The following PLEK variants were observed in gnomAD, a reference collection of about 807,000 sequenced individuals.
PLEK encodes pleckstrin.
PLEK carries 25 observed loss-of-function variants against 43.9 expected under a neutral mutation model. That is an observed-to-expected ratio of 0.57 (90% CI 0.41 to 0.79). The LOEUF (loss-of-function observed/expected upper bound fraction) is 0.79, where lower values mean the gene tolerates loss of function less well. PLEK is among the 30% of genes least tolerant of loss of function. The pLI, the probability that PLEK is intolerant of heterozygous loss-of-function variation, is 0.00. For missense variants in PLEK, 396 were observed against 413.3 expected (o/e 0.96, Z 0.36); for synonymous variants, 152 against 144.4 (o/e 1.05, Z -0.38).
intron 4 of PLEK, among the ~76,000 whole-genome samples, chr2:68,382,884 AT>A (rs201655958): frequency 2.0e-5 from 3 of 152,050 alleles, no homozygotes; most frequent in South Asian, 2.1e-4. Context: ...CAATCAAAGG[AT>A]TTTTTTTCTC....
At chr2:68,374,025 G>C (rs1031117) in intron 1 of PLEK, among the ~76,000 whole-genome samples, 55,620 of 151,874 alleles carry the variant, frequency 0.37, 11,227 homozygotes, top group East Asian at 0.73. Context: ...TATTCATATA[G>C]CCTTTACCTA....
chr2:68,393,229 A>G lies in PLEK; in HGVS notation c.830A>G (p.Tyr277Cys), dbSNP rs1673894936. 1.9e-6 allele frequency: 3 copies of G among 1,608,418 alleles called. No individual in the cohort carries two copies. Among genetic ancestry groups the G allele is most frequent in the Admixed American group, 1.7e-5 (1 of 59,994 alleles). ...AGAGAAGACCCTGCCTACCTGCACT[A>G]CTATGACCCTGCTGGGGTAAGGTCC... ...ILREDPAYLH[Y>C]YDPAGAEDPL... The change falls in exon 7 of 9, where the codon TAC (tyrosine) becomes TGC (cysteine). Residue 277 changes from tyrosine to cysteine, a missense_variant. Tyr to Cys is a radical substitution (Grantham distance 194). Coordinates refer to ENST00000234313, the MANE Select transcript of PLEK (RefSeq NM_002664.3).
intron 1 of PLEK, 121 bp downstream of exon 1, chr2:68,365,514 T>C (rs909276556): frequency 1.9e-5 from 15 of 795,636 alleles, no homozygotes; most frequent in Non-Finnish European, 2.4e-5. Context: ...TGGGTTGAAA[T>C]AGGGGAGCGT....
rs1190264199 is a variant in PLEK at position 68,395,807 on chromosome 2, T to C, written c.1044T>C (p.Thr348=). Residue 348 remains threonine (T), a synonymous_variant, in exon 9 of 9, where the codon ACT becomes ACC. Coordinates refer to ENST00000234313, the MANE Select transcript of PLEK (RefSeq NM_002664.3). ...WIRAIQMASR[T]GK ...GAGCCATCCAGATGGCCTCCCGAACTGGGAAGTAAAGAGACTCCTGCATTC... is the reference window on the plus strand; with the variant it reads ...GAGCCATCCAGATGGCCTCCCGAACCGGGAAGTAAAGAGACTCCTGCATTC... 1 of 1,613,372 alleles carries C rather than the reference T, an allele frequency of 6.2e-7. No individual in the cohort carries two copies. Among genetic ancestry groups the C allele is most frequent in the Non-Finnish European group, 8.5e-7 (1 of 1,179,520 alleles).
intron 1 of PLEK, among the ~76,000 whole-genome samples, chr2:68,370,193 T>G (rs1048671320): frequency 6.6e-6 from 1 of 152,234 alleles, no homozygotes; most frequent in African/African-American, 2.4e-5. Context: ...TCCTTTGAAT[T>G]CCAGCCATAC....
rs114192201 is a variant in PLEK at position 68,382,519 on chromosome 2, T to C, written c.381-23T>C. The stretch of plus-strand genomic sequence containing the variant: ...GGGTTTTTTTTTGTTTGTTTGTTTG[T>C]TTGCTTTTTTATCTCTGTGCAGTGC... On this transcript the variant is annotated intron_variant, in intron 3 of 8. Transcript: ENST00000234313. The C allele has an allele frequency of 3.3e-4, 456 of 1,369,380 alleles. 3 individuals are homozygous for C. The African/African-American group carries it at 5.6e-3, about 17-fold the overall frequency. The allele number at this position is 1,369,380 out of a possible 1,614,324, so 84.8% of individuals were successfully genotyped here.
intron 1 of PLEK, among the ~76,000 whole-genome samples, chr2:68,369,684 C>A (rs547345205): frequency 1.3e-5 from 2 of 152,178 alleles, no homozygotes; most frequent in South Asian, 4.2e-4. Context: ...ATCTTCACCA[C>A]AATGTGAAAC....
chr2:68,383,576 A>C (rs1204357263), intron 4 of PLEK, among the ~76,000 whole-genome samples: 1 of 152,128 alleles, frequency 6.6e-6, no homozygotes, highest in Non-Finnish European at 1.5e-5. Flanking sequence ...GGACAAAGTT[A>C]TGAGGCAGAC....
At chr2:68,382,420 C>A (rs1365227912) in intron 3 of PLEK, 122 bp from the exon 4 acceptor site, 1 of 622,272 alleles carries the variant, frequency 1.6e-6, no homozygotes, top group Non-Finnish European at 2.9e-6. Context: ...TCAGGGGATA[C>A]CTGGGGTGGG....
chr2:68,365,336 T>C lies in PLEK; in HGVS notation c.-16T>C, dbSNP rs1169787581. The C allele has an allele frequency of 6.2e-7, 1 of 1,613,256 alleles. No homozygotes were observed. The highest frequency in any genetic ancestry group is 1.7e-5 in the Admixed American group (1 of 60,002). ...GTTGCCTGAGAGTGACCTTTGCATC[T>C]GCCTGTCCAGCCAGCATGGAACCAA... is the stretch of plus-strand genomic sequence containing the variant. On this transcript the variant is annotated 5_prime_UTR_variant, in exon 1 of 9. Transcript: ENST00000234313.
At chr2:68,371,231 A>AT (rs1264428733) in intron 1 of PLEK, among the ~76,000 whole-genome samples, 1 of 152,140 alleles carries the variant, frequency 6.6e-6, no homozygotes, top group Admixed American at 6.5e-5. Context: ...CACTAATTAC[A>AT]TTTTCTCCCT....
At chr2:68,367,631 A>C (rs12472591) in intron 1 of PLEK, among the ~76,000 whole-genome samples, 78,541 of 152,046 alleles carry the variant, frequency 0.52, 21,622 homozygotes, top group East Asian at 0.76. Context: ...AGAATCTGAC[A>C]TATAATTGGT....
intron 1 of PLEK, among the ~76,000 whole-genome samples, chr2:68,369,337 C>T (rs10174380): frequency 0.29 from 43,648 of 152,038 alleles, 6,539 homozygotes; most frequent in Middle Eastern, 0.4. Context: ...CCCAGTATCA[C>T]GCAGAGCCTA....
intron 4 of PLEK, among the ~76,000 whole-genome samples, chr2:68,384,178 CT>C (rs1412217780): frequency 4.0e-5 from 2 of 49,686 alleles, no homozygotes; most frequent in Non-Finnish European, 9.2e-5. Context: ...TCTCCTTCTC[CT>C]TCTCCTTCTC....
chr2:68,391,453 C>T (rs916164083), intron 6 of PLEK, among the ~76,000 whole-genome samples: 1 of 152,210 alleles, frequency 6.6e-6, no homozygotes, highest in Non-Finnish European at 1.5e-5. Context: ...GCAATGTATA[C>T]TTTTGGAAGT....
chr2:68,366,510 G>A (rs1242230106), intron 1 of PLEK, among the ~76,000 whole-genome samples: 3 of 152,206 alleles, frequency 2.0e-5, no homozygotes, highest in Admixed American at 2.0e-4. Context: ...CTTCTCTGAT[G>A]CTTAGGTTTC....
rs201037685 is a variant in PLEK, at chr2:68,380,446, C to T, written c.161C>T (p.Thr54Ile). 45 of 1,614,006 alleles carry T rather than the reference C, an allele frequency of 2.8e-5. No individual in the cohort carries two copies. In the Admixed American group the frequency reaches 5.0e-4, roughly 18 times the overall value. ...PKGMIPLKGSTLTSPCQDFGK... is the reference protein window; with the variant it reads ...PKGMIPLKGSILTSPCQDFGK... ...GGAATGATCCCGCTGAAAGGGAGCA[C>T]TCTGACTAGCCCTTGTCAAGACTTT... The change falls in exon 2 of 9, where the codon ACT becomes ATT. Residue 54 changes from threonine to isoleucine, a missense_variant. Thr to Ile is a moderately conservative substitution (Grantham distance 89). Coordinates refer to ENST00000234313, the MANE Select transcript of PLEK (RefSeq NM_002664.3).
chr2:68,383,217 G>C (rs1163955827), intron 4 of PLEK, among the ~76,000 whole-genome samples: 1 of 152,146 alleles, frequency 6.6e-6, no homozygotes, highest in Non-Finnish European at 1.5e-5. Flanking sequence ...GATAATCACA[G>C]TGCACCTACC....
At chr2:68,375,194 G>A (rs1420051741) in intron 1 of PLEK, among the ~76,000 whole-genome samples, 4 of 152,144 alleles carry the variant, frequency 2.6e-5, no homozygotes, top group African/African-American at 9.7e-5. Flanking sequence ...TCCTTGTCAA[G>A]TCTTATTCTT....
Sources: gnomAD v4.1 joint callset for allele counts (sites outside exome capture counted in the v4.1 genomes callset) on GRCh38, gnomAD v4.1.1 for gene constraint, MANE v1.5 for transcripts, NCBI Gene and HGNC (gene_info 2026-07-23, HGNC 2026-07-21) for gene names.